The following NREP variants were observed in gnomAD, a reference collection of about 807,000 sequenced individuals.
NREP encodes the protein neuronal regeneration-related protein.
A neutral mutation model predicts 8.6 loss-of-function variants in NREP; 5 were observed. That is an observed-to-expected ratio of 0.58 (90% confidence interval 0.30 to 1.22). The LOEUF is 1.22. Ranked by LOEUF, NREP falls within the 50% of genes most tolerant of loss-of-function variation. The pLI, the probability that NREP is intolerant of heterozygous loss-of-function variation, is 0.07. For synonymous variants in NREP, 27 were observed against 28.0 expected (o/e 0.96, Z 0.11); for missense variants, 86 against 82.5 (o/e 1.04, Z -0.17).
At chr5:111,882,196 G>A (rs533237612) in intron 2 of NREP, among the ~76,000 whole-genome samples, 1 of 152,308 alleles carries the variant, frequency 6.6e-6, no homozygotes, top group African/African-American at 2.4e-5. Flanking sequence ...GAAGCCTCAG[G>A]AGCCGATGTG....
intron 2 of NREP, among the ~76,000 whole-genome samples, chr5:111,922,991 C>T (rs756307206): frequency 1.8e-4 from 27 of 152,154 alleles, no homozygotes; most frequent in African/African-American, 2.4e-4. Flanking sequence ...ATGTCCTTTA[C>T]AATGCATTAC....
chr5:111,788,401 T>C (rs1318979549), intron 2 of NREP, among the ~76,000 whole-genome samples: 1 of 152,204 alleles, frequency 6.6e-6, no homozygotes, highest in Non-Finnish European at 1.5e-5. Flanking sequence ...TGCATATATA[T>C]GTGGAAATTA....
intron 2 of NREP, among the ~76,000 whole-genome samples, chr5:111,885,626 A>G (rs1276474729): frequency 2.0e-5 from 3 of 152,098 alleles, no homozygotes; most frequent in Non-Finnish European, 4.4e-5. Flanking sequence ...AAACAGAGAT[A>G]TAGATCAATG....
intron 2 of NREP, among the ~76,000 whole-genome samples, chr5:111,749,798 C>T (rs1750239404): frequency 6.6e-6 from 1 of 152,160 alleles, no homozygotes; most frequent in South Asian, 2.1e-4. Context: ...AATGAAAGTG[C>T]TGCCAGTTTC....
At chr5:111,754,913 A>G (rs1205641583) in intron 2 of NREP, among the ~76,000 whole-genome samples, 3 of 152,228 alleles carry the variant, frequency 2.0e-5, no homozygotes, top group Non-Finnish European at 4.4e-5. Context: ...AACTAAAACT[A>G]AATTTGGAAA....
At chr5:111,882,246 T>G (rs1050992870) in intron 2 of NREP, among the ~76,000 whole-genome samples, 2 of 151,888 alleles carry the variant, frequency 1.3e-5, no homozygotes, top group African/African-American at 4.8e-5. Context: ...GAAGATGAAA[T>G]GAATGAAATG....
At chr5:111,856,790 T>C (rs1200440376) in intron 2 of NREP, among the ~76,000 whole-genome samples, 1 of 152,102 alleles carries the variant, frequency 6.6e-6, no homozygotes, top group Non-Finnish European at 1.5e-5. Context: ...TCAGAGACAT[T>C]GAAAGAACAT....
rs377515777 is a variant in NREP, at chr5:111,887,893, A to G, written c.135+87381T>C. 1.4e-4 allele frequency among the ~76,000 whole-genome samples: 21 copies of G among 152,322 alleles called. No individual in the cohort carries two copies. The South Asian group carries it at 1.9e-3, about 14-fold the overall frequency. ...CCTAGTTGACTGGCCTAGAAAACAC[A>G]ATTCTGATTACTTCATAGCAGTATT... is the stretch of plus-strand genomic sequence containing the variant. On this transcript the variant is annotated intron_variant, in intron 2 of 3. Coordinates refer to the NREP transcript ENST00000395634.
chr5:111,872,929 CA>C (rs1753822233), intron 2 of NREP, among the ~76,000 whole-genome samples: 1 of 152,114 alleles, frequency 6.6e-6, no homozygotes, highest in Admixed American at 6.6e-5. Context: ...TTTGGATTTT[CA>C]CAGGCTGGGG....
chr5:111,766,185 T>C (rs1166898994), intron 2 of NREP, among the ~76,000 whole-genome samples: 1 of 152,228 alleles, frequency 6.6e-6, no homozygotes, highest in African/African-American at 2.4e-5. Flanking sequence ...AAATGTGTCC[T>C]AGTCATTTTT....
In NREP at chr5:111,950,968, G is replaced by T. The variant is rs182535026; in HGVS notation, c.135+24306C>A. 3.6e-3 allele frequency among the ~76,000 whole-genome samples: 555 copies of T among 152,160 alleles called. 1 individual carries two copies. Among genetic ancestry groups the T allele is most frequent in the Non-Finnish European group, 6.0e-3 (408 of 67,972 alleles). ...TGACGTCTCCTATTTGCCCTTCCCT[G>T]AGAGCACTATCCTTACTCTCTGCCA... On this transcript the variant is annotated intron_variant, in intron 2 of 3. Transcript: ENST00000395634.
intron 2 of NREP, chr5:111,845,920 CAT>C (rs1258720638): frequency 8.6e-5 from 13 of 150,992 alleles, no homozygotes; most frequent in African/African-American, 2.9e-4. Context: ...ATGTTCAAGA[CAT>C]GTTAAGTGCA....
chr5:111,792,422 G>C (rs1751772247), intron 2 of NREP, among the ~76,000 whole-genome samples: 1 of 152,112 alleles, frequency 6.6e-6, no homozygotes, highest in Admixed American at 6.6e-5. Context: ...TATATGTTTT[G>C]TTATCAACAT....
At chr5:111,838,030 A>T (rs189157847) in intron 2 of NREP, among the ~76,000 whole-genome samples, 36 of 152,212 alleles carry the variant, frequency 2.4e-4, no homozygotes, top group African/African-American at 7.9e-4. Flanking sequence ...CAGGGGTTAG[A>T]TTAGCACTAC....
chr5:111,964,740 T>C (rs966757962), intron 2 of NREP, among the ~76,000 whole-genome samples: 3 of 151,610 alleles, frequency 2.0e-5, no homozygotes, highest in African/African-American at 7.3e-5. Context: ...TGAACATTCT[T>C]AAACATGCCT....
intron 2 of NREP, among the ~76,000 whole-genome samples, chr5:111,897,017 GT>G (rs1754527760): frequency 6.6e-6 from 1 of 151,964 alleles, no homozygotes; most frequent in Non-Finnish European, 1.5e-5. Flanking sequence ...TATACTATTG[GT>G]TTTGGAGAAC....
chr5:111,803,325 C>T (rs1432854204), intron 2 of NREP, among the ~76,000 whole-genome samples: 4 of 152,056 alleles, frequency 2.6e-5, no homozygotes, highest in South Asian at 4.1e-4. Flanking sequence ...TTATCAAAGG[C>T]GGAGAAGAAA....
intron 2 of NREP, among the ~76,000 whole-genome samples, chr5:111,954,825 T>G (rs1398667549): frequency 3.3e-5 from 5 of 152,176 alleles, no homozygotes; most frequent in African/African-American, 1.2e-4. Flanking sequence ...AAACAGTTTA[T>G]TAAAAGTCTT....
chr5:111,976,031 T>C (rs1380848224), intron 1 of NREP, among the ~76,000 whole-genome samples: 1 of 152,190 alleles, frequency 6.6e-6, no homozygotes, highest in African/African-American at 2.4e-5. Context: ...CTTTTTATAA[T>C]GATAATTGAA....
Sources: allele counts gnomAD v4.1 joint callset (sites outside exome capture counted in the v4.1 genomes callset), GRCh38; gene constraint gnomAD v4.1.1; transcripts MANE v1.5; gene names NCBI Gene and HGNC (gene_info 2026-07-23, HGNC 2026-07-21).